VWC2L: variants seen among roughly 807,000 people sequenced by gnomAD.
VWC2L encodes von Willebrand factor C domain-containing protein 2-like.
A neutral mutation model predicts 21.6 loss-of-function variants in VWC2L; 10 were observed. The observed-to-expected ratio is 0.46, with a 90% CI of 0.29 to 0.78. VWC2L has a LOEUF of 0.78. Ranked by LOEUF, VWC2L falls within the 30% of genes least tolerant of loss-of-function variation. The probability of loss-of-function intolerance (pLI) is 0.10; values close to 1 mark genes in which losing one functional copy is unlikely to be tolerated. For synonymous variants in VWC2L, 96 were observed against 94.3 expected (o/e 1.02, Z -0.10); for missense variants, 209 against 277.1 (o/e 0.75, Z 1.74).
chr2:214,414,656 A>T, intron 2 of VWC2L, 73 bp downstream of exon 2: 1 of 1,494,708 alleles, frequency 6.7e-7, no homozygotes, highest in Non-Finnish European at 9.0e-7. Context: ...GCTACATTAA[A>T]GTCAGAGTTG....
chr2:214,440,362 A>C (rs1035871092), intron 3 of VWC2L, among the ~76,000 whole-genome samples: 1 of 152,074 alleles, frequency 6.6e-6, no homozygotes, highest in Non-Finnish European at 1.5e-5. Context: ...AAGAACTAGC[A>C]ATACAAATGC....
chr2:214,436,273 A>G (rs892946682), intron 2 of VWC2L: 3 of 182,330 alleles, frequency 1.6e-5, no homozygotes, highest in African/African-American at 7.0e-5. Flanking sequence ...TACACGTTCC[A>G]GTAGAATGCC....
chr2:214,533,606 G>A (rs184769625), intron 3 of VWC2L, among the ~76,000 whole-genome samples: 9 of 150,466 alleles, frequency 6.0e-5, no homozygotes, highest in Non-Finnish European at 8.9e-5. Context: ...ATAACAGACA[G>A]GATCCAACGC....
At chr2:214,417,834 T>C (rs1702379923) in intron 2 of VWC2L, among the ~76,000 whole-genome samples, 1 of 152,070 alleles carries the variant, frequency 6.6e-6, no homozygotes, top group Non-Finnish European at 1.5e-5. Flanking sequence ...AAGCACAGAA[T>C]TGAATAGAAG....
intron 3 of VWC2L, among the ~76,000 whole-genome samples, chr2:214,495,444 C>T (rs1476979881): frequency 6.6e-6 from 1 of 152,068 alleles, no homozygotes; most frequent in Non-Finnish European, 1.5e-5. Context: ...TCAATGATTT[C>T]GATTTTCTGT....
chr2:214,415,511 T>C (rs1385254053), intron 2 of VWC2L, among the ~76,000 whole-genome samples: 5 of 152,128 alleles, frequency 3.3e-5, no homozygotes, highest in Non-Finnish European at 5.9e-5. Context: ...TAAAAGCAGA[T>C]ATAGCTAGTT....
chr2:214,431,367 A>T (rs1702599916), intron 2 of VWC2L, among the ~76,000 whole-genome samples: 1 of 152,206 alleles, frequency 6.6e-6, no homozygotes, highest in South Asian at 2.1e-4. Flanking sequence ...TTAGATTTTA[A>T]ATAGTTGTTT....
chr2:214,523,449 C>T (rs540341829), intron 3 of VWC2L, among the ~76,000 whole-genome samples: 1 of 152,176 alleles, frequency 6.6e-6, no homozygotes, highest in South Asian at 2.1e-4. Context: ...TTTTAGAAAT[C>T]TTAATGTATA....
chr2:214,468,446 A>G (rs1703257255), intron 3 of VWC2L, among the ~76,000 whole-genome samples: 1 of 152,204 alleles, frequency 6.6e-6, no homozygotes, highest in South Asian at 2.1e-4. Context: ...TTCCAAAGAC[A>G]TTGTGCTTTC....
chr2:214,561,126 T>C (rs1689962708), intron 3 of VWC2L, among the ~76,000 whole-genome samples: 1 of 152,234 alleles, frequency 6.6e-6, no homozygotes, highest in African/African-American at 2.4e-5. Flanking sequence ...GGAATGTTTG[T>C]TAAAAGACAG....
intron 1 of VWC2L, among the ~76,000 whole-genome samples, chr2:214,412,767 C>T (rs1702297638): frequency 1.3e-5 from 2 of 151,918 alleles, no homozygotes; most frequent in Non-Finnish European, 2.9e-5. Flanking sequence ...TTGTTATCGT[C>T]TGTATATGTT....
intron 3 of VWC2L, among the ~76,000 whole-genome samples, chr2:214,469,907 T>C (rs1018900623): frequency 2.0e-5 from 3 of 152,176 alleles, no homozygotes; most frequent in African/African-American, 7.2e-5. Context: ...TAAAGAATGG[T>C]GATGGAAATT....
At chr2:214,543,176 C>T (rs569244559) in intron 3 of VWC2L, among the ~76,000 whole-genome samples, 4 of 152,276 alleles carry the variant, frequency 2.6e-5, no homozygotes, top group South Asian at 4.1e-4. Flanking sequence ...CATTCTGATA[C>T]ACCCTGCTTC....
chr2:214,548,003 C>A (rs1358730159), intron 3 of VWC2L, among the ~76,000 whole-genome samples: 1 of 152,208 alleles, frequency 6.6e-6, no homozygotes, highest in Non-Finnish European at 1.5e-5. Flanking sequence ...CAGATGCTTT[C>A]ATAATTTAGG....
At chr2:214,489,179 A>G (rs994568117) in intron 3 of VWC2L, among the ~76,000 whole-genome samples, 1 of 152,198 alleles carries the variant, frequency 6.6e-6, no homozygotes, top group Non-Finnish European at 1.5e-5. Flanking sequence ...AGCTGGCCAT[A>G]GTCATATCAG....
At chr2:214,561,501 C>T (rs1276375208) in intron 3 of VWC2L, among the ~76,000 whole-genome samples, 9 of 151,978 alleles carry the variant, frequency 5.9e-5, no homozygotes, top group Non-Finnish European at 1.3e-4. Flanking sequence ...TTTGGCCAGG[C>T]GTGGTAGTTC....
intron 2 of VWC2L, among the ~76,000 whole-genome samples, chr2:214,428,251 C>T (rs1453441563): frequency 6.6e-6 from 1 of 152,116 alleles, no homozygotes; most frequent in Non-Finnish European, 1.5e-5. Flanking sequence ...TTAGAGCACT[C>T]TTAATATTTT....
chr2:214,518,914 T>G (rs1689187839), intron 3 of VWC2L, among the ~76,000 whole-genome samples: 2 of 152,194 alleles, frequency 1.3e-5, no homozygotes, highest in African/African-American at 4.8e-5. Context: ...AGTATCCACT[T>G]TATTTTCCAC....
At position 214,577,359 on chromosome 2, in the gene VWC2L, C is replaced by T. The variant is rs950219719; in HGVS notation, c.*1539C>T. On this transcript the variant is annotated 3_prime_UTR_variant, in exon 4 of 4. Transcript: ENST00000312504. ...ATCATTATTCGTTGGTGGGGGCTGT[C>T]CTGTGTGCTTTTAGGATGTTTAGCA... The T allele has an allele frequency of 4.6e-5, 7 of 152,178 alleles. No individual in the cohort carries two copies. The highest frequency in any genetic ancestry group is 1.3e-4 in the Admixed American group (2 of 15,268). The allele number at this position is 152,178 out of a possible 1,614,324, so 9.4% of individuals were successfully genotyped here.
Sources: allele counts gnomAD v4.1 joint callset (sites outside exome capture counted in the v4.1 genomes callset), GRCh38; gene constraint gnomAD v4.1.1; transcripts MANE v1.5; gene names NCBI Gene and HGNC (gene_info 2026-07-23, HGNC 2026-07-21).